FIP1L1: variants seen among roughly 807,000 people sequenced by gnomAD.
FIP1L1 encodes the protein pre-mRNA 3'-end-processing factor FIP1.
In FIP1L1, 21 loss-of-function variants were observed where a neutral mutation model predicts 84.6. That is an observed-to-expected ratio of 0.25 (90% CI 0.18 to 0.36). The LOEUF is 0.36. Ranked by LOEUF, FIP1L1 falls within the 10% of genes least tolerant of loss-of-function variation. The probability of loss-of-function intolerance (pLI) is 1.00; values close to 1 mark genes in which losing one functional copy is unlikely to be tolerated. For synonymous variants in FIP1L1, 263 were observed against 242.3 expected (o/e 1.09, Z -0.80); for missense variants, 526 against 751.1 (o/e 0.70, Z 3.50).
intron 10 of FIP1L1, among the ~76,000 whole-genome samples, chr4:53,404,920 A>C (rs1172200081): frequency 1.3e-5 from 2 of 150,814 alleles, no homozygotes; most frequent in African/African-American, 4.8e-5. Flanking sequence ...CCTTTGTCAG[A>C]TGAGTAGGTT....
chr4:53,418,454 C>G (rs1760790603), intron 11 of FIP1L1, among the ~76,000 whole-genome samples: 1 of 152,164 alleles, frequency 6.6e-6, no homozygotes, highest in African/African-American at 2.4e-5. Context: ...CAAGCTAAAT[C>G]TATATGTATA....
At chr4:53,380,660 A>G (rs369693046) in intron 3 of FIP1L1, among the ~76,000 whole-genome samples, 12 of 152,256 alleles carry the variant, frequency 7.9e-5, no homozygotes, top group African/African-American at 2.9e-4. Flanking sequence ...CCTTACCCAA[A>G]AAATCCCCTA....
At chr4:53,389,563 A>G (rs1197974111) in intron 5 of FIP1L1, among the ~76,000 whole-genome samples, 1 of 152,174 alleles carries the variant, frequency 6.6e-6, no homozygotes, top group Non-Finnish European at 1.5e-5. Flanking sequence ...CACTCTTGTA[A>G]TCTCAGCATT....
chr4:53,378,957 C>A, intron 1 of FIP1L1, 116 bp from the exon 2 acceptor site: 1 of 993,772 alleles, frequency 1.0e-6, no homozygotes, highest in Non-Finnish European at 1.5e-6. Context: ...TGGAAATCTT[C>A]ATTACCTCTT....
intron 15 of FIP1L1, among the ~76,000 whole-genome samples, chr4:53,446,004 T>C (rs1200445034): frequency 1.3e-5 from 2 of 152,144 alleles, no homozygotes; most frequent in African/African-American, 4.8e-5. Flanking sequence ...TCCGAAGGAT[T>C]TATTTGATAG....
intron 9 of FIP1L1, 151 bp from the exon 10 acceptor site, chr4:53,399,579 A>G (rs2149485526): frequency 1.7e-6 from 1 of 583,582 alleles, no homozygotes; most frequent in South Asian, 2.2e-5. Context: ...ATACTGTTCT[A>G]AAATAGGCTA....
intron 16 of FIP1L1, among the ~76,000 whole-genome samples, chr4:53,457,013 T>C (rs1719465780): frequency 1.3e-5 from 2 of 152,116 alleles, no homozygotes; most frequent in African/African-American, 4.8e-5. Flanking sequence ...TTTCCTATGG[T>C]GCTAGTTTAT....
intron 11 of FIP1L1, among the ~76,000 whole-genome samples, chr4:53,424,103 G>A (rs1384281531): frequency 6.6e-6 from 1 of 152,128 alleles, no homozygotes; most frequent in African/African-American, 2.4e-5. Context: ...ATTTAAAAAT[G>A]CAAAGGAGAG....
intron 15 of FIP1L1, among the ~76,000 whole-genome samples, chr4:53,450,491 G>C (rs1775931410): frequency 6.6e-6 from 1 of 152,154 alleles, no homozygotes; most frequent in South Asian, 2.1e-4. Context: ...AGTATCCTAT[G>C]TGATGTCCAT....
chr4:53,441,604 A>G (rs1771968793), intron 13 of FIP1L1, among the ~76,000 whole-genome samples: 1 of 152,016 alleles, frequency 6.6e-6, no homozygotes, highest in African/African-American at 2.4e-5. Context: ...AGTGAAGAAC[A>G]TGGTAAACAT....
chr4:53,377,698 C>T lies in FIP1L1; in HGVS notation c.-141C>T, dbSNP rs1578025748. The stretch of plus-strand genomic sequence containing the variant: ...TCATCTTTGCCGCCGCTGCCGTCGC[C>T]TTCCTGGGATTGGAGTCTCGAGCTT... On this transcript the variant is annotated 5_prime_UTR_variant, in exon 1 of 18. Transcript: ENST00000337488. 25 of 728,956 alleles carry T rather than the reference C, an allele frequency of 3.4e-5. No homozygotes were observed. The South Asian group carries it at 3.8e-4, about 11-fold the overall frequency. The allele number at this position is 728,956 out of a possible 1,614,324, so 45.2% of individuals were successfully genotyped here.
intron 3 of FIP1L1, among the ~76,000 whole-genome samples, chr4:53,381,753 C>CTTTTTTTTTTTTTTTGTT (rs1738081978): frequency 1.1e-5 from 1 of 87,948 alleles, no homozygotes; most frequent in Non-Finnish European, 2.0e-5. Context: ...CATTTGCATT[C>CTTTTTTTTTTTTTTTGTT]TTTTTTTTTT....
intron 13 of FIP1L1, among the ~76,000 whole-genome samples, chr4:53,432,061 A>G (rs573026284): frequency 3.9e-5 from 6 of 152,202 alleles, no homozygotes; most frequent in Non-Finnish European, 7.4e-5. Context: ...GTGCAAAAGC[A>G]TTTATCGTGG....
intron 11 of FIP1L1, among the ~76,000 whole-genome samples, chr4:53,424,869 C>G (rs1433700214): frequency 6.6e-6 from 1 of 152,078 alleles, no homozygotes; most frequent in Non-Finnish European, 1.5e-5. Flanking sequence ...AGTGATTTCA[C>G]TTTGGACCAT....
intron 9 of FIP1L1, among the ~76,000 whole-genome samples, chr4:53,395,452 C>T (rs1057119615): frequency 6.6e-6 from 1 of 152,118 alleles, no homozygotes; most frequent in Non-Finnish European, 1.5e-5. Context: ...TGAGCATTGA[C>T]TGTGCCAGGA....
chr4:53,434,823 A>G (rs564498031), intron 13 of FIP1L1, among the ~76,000 whole-genome samples: 115 of 152,338 alleles, frequency 7.5e-4, no homozygotes, highest in African/African-American at 2.4e-3. Context: ...GTAGGGTCTC[A>G]GGGACCTCCG....
intron 11 of FIP1L1, among the ~76,000 whole-genome samples, chr4:53,419,200 G>A (rs191196186): frequency 1.3e-5 from 2 of 152,236 alleles, no homozygotes; most frequent in African/African-American, 4.8e-5. Context: ...CCTCCAGTGA[G>A]TGAAATTTGG....
At chr4:53,443,798 CTAAGT>C (rs1339285597) in intron 14 of FIP1L1, among the ~76,000 whole-genome samples, 1 of 151,864 alleles carries the variant, frequency 6.6e-6, no homozygotes, top group Admixed American at 6.6e-5. Flanking sequence ...GTAACTCAAG[CTAAGT>C]TGATTGGATT....
intron 15 of FIP1L1, among the ~76,000 whole-genome samples, chr4:53,445,905 T>C (rs11725230): frequency 0.56 from 84,476 of 152,024 alleles, 25,320 homozygotes; most frequent in Non-Finnish European, 0.67. Context: ...TGACATATTC[T>C]GGTCTCCTAC....
Sources: allele counts gnomAD v4.1 joint callset (sites outside exome capture counted in the v4.1 genomes callset), GRCh38; gene constraint gnomAD v4.1.1; transcripts MANE v1.5; gene names NCBI Gene and HGNC (gene_info 2026-07-23, HGNC 2026-07-21).